Variants in ACOT7 observed in about 807,000 individuals in gnomAD.
ACOT7 encodes acyl-CoA thioesterase 7.
A neutral mutation model predicts 40.2 loss-of-function variants in ACOT7; 12 were observed. The ratio of observed to expected loss-of-function variants is 0.30; its 90% CI spans 0.19 to 0.48. The LOEUF is 0.48. ACOT7 is among the 20% of genes least tolerant of loss of function. ACOT7 has a pLI of 0.99. For missense variants in ACOT7, 395 were observed against 530.8 expected, an observed-to-expected ratio of 0.74 and a Z score of 2.51; for synonymous variants, 228 against 219.5, an observed-to-expected ratio of 1.04 and a Z score of -0.34.
Position 6,310,573 on chromosome 1 carries a change from G to A in ACOT7, c.712+7919C>T, listed in dbSNP as rs543517465. 4.6e-5 allele frequency among the ~76,000 whole-genome samples: 7 copies of A among 152,292 alleles called. No individual in the cohort carries two copies. In the East Asian group the frequency reaches 9.7e-4, roughly 21 times the overall value. On this transcript the variant is annotated intron_variant, in intron 6 of 8. Transcript: ENST00000361521. ...GGGACACGGTTGCTGGATCCATTGAGACAAACCTACACTCTAGCTGTGGGT... is the reference window on the plus strand; with the variant it reads ...GGGACACGGTTGCTGGATCCATTGAAACAAACCTACACTCTAGCTGTGGGT...
At position 6,264,338 on chromosome 1, in the gene ACOT7, C is replaced by A; in HGVS notation, c.*259G>T. The A allele has an allele frequency of 2.0e-6, 1 of 488,184 alleles. No individual in the cohort carries two copies. The highest frequency in any genetic ancestry group is 3.0e-5 in the South Asian group (1 of 33,526). The allele number at this position is 488,184 out of a possible 1,614,324, so 30.2% of individuals were successfully genotyped here. A position where few individuals can be genotyped will look rare whatever the true frequency, so the allele number is the denominator to read the frequency against. On this transcript the variant is annotated 3_prime_UTR_variant, in exon 9 of 9. Transcript: ENST00000361521. The stretch of plus-strand genomic sequence containing the variant: ...CCATACCCTACAGCGTGCTCGGAAG[C>A]ATTCCCGAGGGTTTCTGCCCAACGC...
intron 6 of ACOT7, among the ~76,000 whole-genome samples, chr1:6,315,285 T>G (rs909150433): frequency 1.3e-5 from 2 of 152,252 alleles, no homozygotes; most frequent in African/African-American, 4.8e-5. Context: ...ACCATTTTCT[T>G]CTGCAACTGG....
At chr1:6,349,115 G>A (rs1437658046) in intron 2 of ACOT7, among the ~76,000 whole-genome samples, 1 of 152,178 alleles carries the variant, frequency 6.6e-6, no homozygotes, top group Non-Finnish European at 1.5e-5. Context: ...CCTCCCCAGG[G>A]CTGGGGATGG....
chr1:6,355,791 G>A lies in ACOT7; in HGVS notation c.144-5925C>T, dbSNP rs1308180077. Among the ~76,000 whole-genome samples, 2 of 152,156 alleles carry A rather than the reference G, an allele frequency of 1.3e-5. No individual in the cohort carries two copies. Among genetic ancestry groups the A allele is most frequent in the Admixed American group, 1.3e-4 (2 of 15,276 alleles). ...AGAGCGCCTACAGCAGCGGCCCTGG[G>A]GTCCAGCCCACATCCTCGCAGGACA... On this transcript the variant is annotated intron_variant, in intron 1 of 8. Coordinates refer to ENST00000361521, the MANE Select transcript of ACOT7 (RefSeq NM_007274.4). The surrounding 1 kb of genome is among the most constrained non-coding windows in gnomAD (Gnocchi z 5.0).
chr1:6,269,636 G>C (rs948481603), intron 8 of ACOT7, among the ~76,000 whole-genome samples: 5 of 152,246 alleles, frequency 3.3e-5, no homozygotes, highest in African/African-American at 1.2e-4. Context: ...CCCCAAGGCG[G>C]CTCTGATGTG....
At chr1:6,370,015 G>A (rs1187920522) in intron 1 of ACOT7, among the ~76,000 whole-genome samples, 6 of 152,174 alleles carry the variant, frequency 3.9e-5, no homozygotes, top group Non-Finnish European at 8.8e-5. Context: ...CCCAATGTTG[G>A]AGGCAGGACC....
At chr1:6,354,945 C>T (rs1641702010) in intron 1 of ACOT7, among the ~76,000 whole-genome samples, 1 of 151,890 alleles carries the variant, frequency 6.6e-6, no homozygotes, top group Non-Finnish European at 1.5e-5. Flanking sequence ...GACCAAGTCA[C>T]TCCCTTATCC....
chr1:6,331,407 CCTGGAGCCACCCGGCG>C (rs1640950890), intron 4 of ACOT7, among the ~76,000 whole-genome samples: 2 of 152,224 alleles, frequency 1.3e-5, no homozygotes, highest in South Asian at 4.1e-4. Flanking sequence ...CCAAGGGACG[CCTGGAGCCACCCGGCG>C]CTGGAGACGC....
chr1:6,303,578 G>T (rs1003035713), intron 6 of ACOT7, among the ~76,000 whole-genome samples: 4 of 152,200 alleles, frequency 2.6e-5, no homozygotes, highest in African/African-American at 9.6e-5. Context: ...TGTCTGTTCT[G>T]TGGGCGGCAA....
chr1:6,354,581 CT>C (rs1641686198), intron 1 of ACOT7, among the ~76,000 whole-genome samples: 1 of 152,150 alleles, frequency 6.6e-6, no homozygotes, highest in Admixed American at 6.5e-5. Context: ...CAATCAGACA[CT>C]GTTTGGGGAG....
rs1418606535 is a variant in ACOT7, at chr1:6,323,745, T to A, written c.625+3554A>T. 8.3e-3 allele frequency among the ~76,000 whole-genome samples: 772 copies of A among 92,630 alleles called. 18 individuals carry two copies. Among genetic ancestry groups the A allele is most frequent in the African/African-American group, 0.047 (717 of 15,300 alleles). 60.8% of individuals were successfully genotyped at this position (92,630 alleles called of 152,430 possible). ...AAAAAAAAAAAAAAAAAAATATATA[T>A]ATATATATATATATATATATATATA... On this transcript the variant is annotated intron_variant, in intron 5 of 8. Coordinates refer to ENST00000361521, the MANE Select transcript of ACOT7 (RefSeq NM_007274.4).
chr1:6,349,606 C>T, intron 2 of ACOT7, 143 bp downstream of exon 2: 1 of 822,156 alleles, frequency 1.2e-6, no homozygotes, highest in South Asian at 1.7e-5. Context: ...TGCAGAAATA[C>T]TTGGGCCACT....
In ACOT7 at chr1:6,294,998, T is replaced by C. The variant is rs751746256; in HGVS notation, c.713-18A>G. The C allele has an allele frequency of 1.9e-6, 3 of 1,578,070 alleles. No individual in the cohort carries two copies. The highest frequency in any genetic ancestry group is 2.2e-5 in the South Asian group (2 of 90,374). ...GGTCACACCTGCGGAGAAAGGGACA[T>C]GCGGCAGATGAGACACGGAGGCAGA... is the stretch of plus-strand genomic sequence containing the variant. On this transcript the variant is annotated intron_variant, in intron 6 of 8. Transcript: ENST00000361521. This position sits in a 1 kb window ranked among gnomAD's most constrained non-coding sequence, Gnocchi z 4.6.
Position 6,306,014 on chromosome 1 carries a change from C to A in ACOT7, c.713-11034G>T, listed in dbSNP as rs1440253617. Among the ~76,000 whole-genome samples the A allele has an allele frequency of 6.6e-6, 1 of 151,992 alleles. No homozygotes were observed. On this transcript the variant is annotated intron_variant, in intron 6 of 8. Transcript: ENST00000361521. The surrounding 1 kb of genome is among the most constrained non-coding windows in gnomAD (Gnocchi z 4.3). Reference sequence around the variant, plus strand: ...CCAGCCCGGCCAACACAGCGAAACCCCGTCTCCACCAAAAAAATACGAAAA... The same window carrying A: ...CCAGCCCGGCCAACACAGCGAAACCACGTCTCCACCAAAAAAATACGAAAA...
At chr1:6,392,094 G>T (rs1325302299) in intron 1 of ACOT7, among the ~76,000 whole-genome samples, 1 of 152,096 alleles carries the variant, frequency 6.6e-6, no homozygotes, top group Non-Finnish European at 1.5e-5. Flanking sequence ...CCTCGACCAG[G>T]CCAGAAGATG....
chr1:6,381,053 T>C (rs958082407), intron 1 of ACOT7, among the ~76,000 whole-genome samples: 2 of 151,842 alleles, frequency 1.3e-5, no homozygotes, highest in African/African-American at 4.8e-5. Context: ...ACCATACACA[T>C]TGCATTCATG....
intron 6 of ACOT7, among the ~76,000 whole-genome samples, chr1:6,316,776 C>T (rs2148419863): frequency 6.6e-6 from 1 of 152,358 alleles, no homozygotes; most frequent in South Asian, 2.1e-4. Context: ...GATCATGCCA[C>T]TGCACTCTAG....
rs899153514 is a variant in ACOT7, at chr1:6,289,676, C to CT, written c.829+5187dup. Among the ~76,000 whole-genome samples the CT allele has an allele frequency of 6.6e-6, 1 of 151,696 alleles. No individual in the cohort carries two copies. Among genetic ancestry groups the CT allele is most frequent in the South Asian group, 2.1e-4 (1 of 4,808 alleles). ...AGCGTGAGCCACTGTGACCAGCCTG[C>CT]TTTTTTTGTGTGTGTTTTGTTTTGT... On this transcript the variant is annotated intron_variant, in intron 7 of 8. Transcript: ENST00000361521. The surrounding 1 kb of genome is among the most constrained non-coding windows in gnomAD (Gnocchi z 4.6).
In ACOT7 at chr1:6,339,471, T is replaced by C; in HGVS notation, c.380A>G (p.Glu127Gly). 6.2e-7 allele frequency: 1 copy of C among 1,613,688 alleles called. No homozygotes were observed. The highest frequency in any genetic ancestry group is 8.5e-7 in the Non-Finnish European group (1 of 1,180,032). ...EITYTSKHSV[E>G]VQVNVMSENI... ...TTCGGACATCACGTTGACCTGCACC[T>C]CCACAGAGTGCTTGGAGGTGTAGGT... Residue 127 changes from glutamate (E) to glycine (G), a missense_variant, in exon 3 of 9, where the codon GAG (glutamate) becomes GGG (glycine). Glu to Gly is a moderately conservative substitution (Grantham distance 98). Transcript: ENST00000361521.
Sources: gnomAD v4.1 joint callset for allele counts (sites outside exome capture counted in the v4.1 genomes callset) on GRCh38, gnomAD v4.1.1 for gene constraint, Gnocchi (gnomAD v3.1) non-coding constraint, MANE v1.5 for transcripts, NCBI Gene and HGNC (gene_info 2026-07-23, HGNC 2026-07-21) for gene names.